Variants in ABCA13 observed in about 807,000 individuals in gnomAD.
ABCA13 encodes ATP-binding cassette sub-family A member 13.
In ABCA13, 476 loss-of-function variants were observed where a neutral mutation model predicts 478.7. The ratio of observed to expected loss-of-function variants is 0.99; its 90% confidence interval spans 0.92 to 1.07. ABCA13 has a LOEUF of 1.07. ABCA13 is among the 50% of genes least tolerant of loss of function. ABCA13 has a pLI of 0.00. For missense variants in ABCA13, 6,060 were observed against 5,910.6 expected, an observed-to-expected ratio of 1.03 and a Z score of -0.83; for synonymous variants, 2,252 against 2,158.9, an observed-to-expected ratio of 1.04 and a Z score of -1.20.
intron 47 of ABCA13, among the ~76,000 whole-genome samples, chr7:48,484,640 C>G (rs1486903100): frequency 1.3e-5 from 2 of 152,158 alleles, no homozygotes; most frequent in African/African-American, 4.8e-5. Flanking sequence ...TGTGTGTTCT[C>G]CTCACATCTC....
At chr7:48,284,585 A>T (rs1378519380) in intron 19 of ABCA13, among the ~76,000 whole-genome samples, 1 of 152,242 alleles carries the variant, frequency 6.6e-6, no homozygotes, top group Non-Finnish European at 1.5e-5. Context: ...GACATTTCAC[A>T]GTCAGCTAAT....
chr7:48,301,252 T>G (rs570050071), intron 23 of ABCA13, among the ~76,000 whole-genome samples: 169 of 152,302 alleles, frequency 1.1e-3, no homozygotes, highest in African/African-American at 3.7e-3. Context: ...TCTTTCTGTT[T>G]CTTTTGAGCA....
Position 48,424,252 on chromosome 7 carries a change from G to T in ABCA13, c.12460-3514G>T, listed in dbSNP as rs111954299. 7.2e-5 allele frequency among the ~76,000 whole-genome samples: 11 copies of T among 152,218 alleles called. 1 individual carries two copies. The highest frequency in any genetic ancestry group is 2.6e-4 in the African/African-American group (11 of 41,528). On this transcript the variant is annotated intron_variant, in intron 41 of 61. Coordinates refer to ENST00000435803, the MANE Select transcript of ABCA13 (RefSeq NM_152701.5). ...TTATACTCTTAATAAGAATATTTTTGCAGTATTTTGCATCTCCTCATAATT... is the reference window on the plus strand; with the variant it reads ...TTATACTCTTAATAAGAATATTTTTTCAGTATTTTGCATCTCCTCATAATT...
chr7:48,525,102 A>G (rs1832799928), intron 54 of ABCA13, among the ~76,000 whole-genome samples: 1 of 152,192 alleles, frequency 6.6e-6, no homozygotes, highest in Non-Finnish European at 1.5e-5. Context: ...TGGTATCTAT[A>G]TTCTACTTGT....
chr7:48,417,675 C>T (rs572522723), intron 41 of ABCA13, among the ~76,000 whole-genome samples: 22 of 152,170 alleles, frequency 1.4e-4, no homozygotes, highest in South Asian at 8.3e-4. Flanking sequence ...ATTGATGAAC[C>T]GACATGGACA....
chr7:48,299,862 G>A (rs533997927), intron 23 of ABCA13, among the ~76,000 whole-genome samples: 1 of 152,044 alleles, frequency 6.6e-6, no homozygotes, highest in South Asian at 2.1e-4. Flanking sequence ...GTTCTGTAGT[G>A]CTTTTTTTGC....
At chr7:48,643,017 C>T (rs1239821442) in intron 59 of ABCA13, among the ~76,000 whole-genome samples, 2 of 152,162 alleles carry the variant, frequency 1.3e-5, no homozygotes, top group African/African-American at 4.8e-5. Flanking sequence ...TTTGCATTTT[C>T]ACCTTCCCTC....
chr7:48,472,155 T>C lies in ABCA13; in HGVS notation c.12975+556T>C, dbSNP rs577976831. 5.9e-5 allele frequency among the ~76,000 whole-genome samples: 9 copies of C among 152,234 alleles called. No individual in the cohort carries two copies. In the South Asian group the frequency reaches 1.7e-3, roughly 28 times the overall value. ...TCATCTCAAAGAAAATCTCAGACTCTAATTAATAAAAGGCATAGACCTGCT... is the reference window on the plus strand; with the variant it reads ...TCATCTCAAAGAAAATCTCAGACTCCAATTAATAAAAGGCATAGACCTGCT... On this transcript the variant is annotated intron_variant, in intron 45 of 61. Coordinates refer to ENST00000435803, the MANE Select transcript of ABCA13 (RefSeq NM_152701.5).
In ABCA13 at chr7:48,516,887, TAG is replaced by T; in HGVS notation, c.13797+7_13797+8del. On this transcript the variant is annotated splice_region_variant and intron_variant, in intron 52 of 61. Coordinates refer to ENST00000435803, the MANE Select transcript of ABCA13 (RefSeq NM_152701.5). ...CCATCATCTCCAAAGCTAAGGTCAG[TAG>T]CTTTGTAGCATCACCTCTACACTTC... 3 of 1,613,028 alleles carry T rather than the reference TAG, an allele frequency of 1.9e-6. No individual in the cohort carries two copies. Among genetic ancestry groups the T allele is most frequent in the Non-Finnish European group, 2.5e-6 (3 of 1,179,258 alleles).
chr7:48,420,186 A>C (rs1200968707), intron 41 of ABCA13, among the ~76,000 whole-genome samples: 1 of 152,234 alleles, frequency 6.6e-6, no homozygotes, highest in East Asian at 1.9e-4. Flanking sequence ...TGAGCTCTTC[A>C]GCTAAAAAGC....
intron 35 of ABCA13, among the ~76,000 whole-genome samples, chr7:48,380,482 C>T (rs760267423): frequency 6.6e-6 from 1 of 152,134 alleles, no homozygotes; most frequent in African/African-American, 2.4e-5. Context: ...GGTTGAATTT[C>T]TGAAAAATTT....
At chr7:48,496,537 C>T (rs887599645) in intron 48 of ABCA13, among the ~76,000 whole-genome samples, 2 of 152,030 alleles carry the variant, frequency 1.3e-5, no homozygotes, top group Admixed American at 1.3e-4. Context: ...TGATGTTCAT[C>T]TTTCCTTTTG....
chr7:48,272,121 C>A lies in ABCA13; in HGVS notation c.2455C>A (p.Leu819Ile). The A allele has an allele frequency of 6.2e-7, 1 of 1,613,500 alleles. No individual in the cohort carries two copies. The highest frequency in any genetic ancestry group is 8.5e-7 in the Non-Finnish European group (1 of 1,179,660). Residue 819 changes from leucine (L) to isoleucine (I), a missense_variant, in exon 17 of 62, where the codon CTT becomes ATT. Leu to Ile is a conservative substitution (Grantham distance 5). This residue lies in a region of ABCA13 where 4,423 missense variants were observed against 4,309.1 expected (regional missense o/e 1.03). Transcript: ENST00000435803. ...CTGGATAAGGAAGGAACCAAAAAAT[C>A]TTTTGAGATTCATAGAATTAATACT... is the stretch of plus-strand genomic sequence containing the variant. Reference protein sequence around the residue: ...SHWIRKEPKNLLRFIELILFE... With the variant: ...SHWIRKEPKNILRFIELILFE...
At chr7:48,610,281 A>C (rs1377118848) in intron 58 of ABCA13, among the ~76,000 whole-genome samples, 4 of 152,254 alleles carry the variant, frequency 2.6e-5, no homozygotes, top group Non-Finnish European at 5.9e-5. Flanking sequence ...AGTAGTCATT[A>C]AATTTTAAAG....
At chr7:48,198,475 A>G (rs1415397477) in intron 3 of ABCA13, 115 bp downstream of exon 3, 1 of 1,205,890 alleles carries the variant, frequency 8.3e-7, no homozygotes, top group Non-Finnish European at 1.1e-6. Flanking sequence ...CATGAGAAGT[A>G]TAGAAATTAA....
At chr7:48,533,490 T>C (rs1563403859) in intron 55 of ABCA13, among the ~76,000 whole-genome samples, 1 of 152,138 alleles carries the variant, frequency 6.6e-6, no homozygotes, top group Non-Finnish European at 1.5e-5. Flanking sequence ...GAATGTTCTG[T>C]AATCATCTGT....
At chr7:48,485,918 C>T (rs1004476919) in intron 47 of ABCA13, among the ~76,000 whole-genome samples, 2 of 152,180 alleles carry the variant, frequency 1.3e-5, no homozygotes, top group East Asian at 1.9e-4. Context: ...TTCCATTGCC[C>T]TCCATAGCTA....
At chr7:48,520,965 T>TA (rs1832504775) in intron 53 of ABCA13, among the ~76,000 whole-genome samples, 1 of 152,212 alleles carries the variant, frequency 6.6e-6, no homozygotes, top group South Asian at 2.1e-4. Flanking sequence ...TCTTGTTGCT[T>TA]ATGCTGCTGT....
chr7:48,622,429 A>T (rs1023077986), intron 59 of ABCA13, among the ~76,000 whole-genome samples: 1 of 152,032 alleles, frequency 6.6e-6, no homozygotes, highest in African/African-American at 2.4e-5. Flanking sequence ...ACTCCTGGAA[A>T]ATTCTCTTCT....
Sources: allele counts gnomAD v4.1 joint callset (sites outside exome capture counted in the v4.1 genomes callset), GRCh38; gene constraint gnomAD v4.1.1; regional missense constraint gnomAD v4.1.1; transcripts MANE v1.5; gene names NCBI Gene and HGNC (gene_info 2026-07-23, HGNC 2026-07-21).